Variants in PPP2R5B observed in about 807,000 individuals in gnomAD.
PPP2R5B encodes protein phosphatase 2 regulatory subunit B'beta, also known as serine/threonine-protein phosphatase 2A 56 kDa regulatory subunit beta isoform.
In PPP2R5B, 19 loss-of-function variants were observed where a neutral mutation model predicts 59.9. That is an observed-to-expected ratio of 0.32 (90% confidence interval 0.22 to 0.47). The LOEUF (loss-of-function observed/expected upper bound fraction) is 0.47. PPP2R5B is among the 20% of genes least tolerant of loss of function. The pLI, the probability that PPP2R5B is intolerant of heterozygous loss-of-function variation, is 1.00. For synonymous variants in PPP2R5B, 286 were observed against 260.5 expected (o/e 1.10, Z -0.94); for missense variants, 441 against 640.2 (o/e 0.69, Z 3.36).
chr11:64,928,227 G>C, intron 5 of PPP2R5B, 68 bp from the exon 6 acceptor site: 2 of 1,613,254 alleles, frequency 1.2e-6, no homozygotes, highest in South Asian at 1.1e-5. Flanking sequence ...GCCAGGGATA[G>C]GATGGAAGCA....
rs1441687828 is a variant in PPP2R5B at position 64,933,948 on chromosome 11, C to T, written c.*104C>T. On this transcript the variant is annotated 3_prime_UTR_variant, in exon 14 of 14. Transcript: ENST00000164133. Reference sequence around the variant, plus strand: ...GAAACACACCTACCCCTGGCCTTGCCAGAGTGGCTTCTGAGGACTCCCTGC... The same window carrying T: ...GAAACACACCTACCCCTGGCCTTGCTAGAGTGGCTTCTGAGGACTCCCTGC... The T allele has an allele frequency of 7.4e-7, 1 of 1,345,136 alleles. No homozygotes were observed. 83.3% of individuals were successfully genotyped at this position (1,345,136 alleles called of 1,614,324 possible). A position where few individuals can be genotyped will look rare whatever the true frequency, so the allele number is the denominator to read the frequency against.
Position 64,925,887 on chromosome 11 carries a change from C to T in PPP2R5B, c.153C>T (p.Arg51=). The T allele has an allele frequency of 6.2e-7, 1 of 1,612,144 alleles. No homozygotes were observed. The highest frequency in any genetic ancestry group is 8.5e-7 in the Non-Finnish European group (1 of 1,179,910). The part of the protein sequence containing the change: ...PRRSHSSSQF[R]YQSNQQELTP... ...GCTCCCACAGCTCCTCTCAGTTCCGCTATCAGAGCAACCAGCAAGAGCTCA... is the reference window on the plus strand; with the variant it reads ...GCTCCCACAGCTCCTCTCAGTTCCGTTATCAGAGCAACCAGCAAGAGCTCA... Residue 51 remains arginine, a synonymous_variant, in exon 2 of 14, where the codon CGC becomes CGT. Transcript: ENST00000164133. This position sits in a 1 kb window ranked among gnomAD's most constrained non-coding sequence, Gnocchi z 4.6.
Position 64,925,752 on chromosome 11 carries a change from C to T in PPP2R5B, c.18C>T (p.Pro6=), listed in dbSNP as rs1387209918. ...TGACCGCCATGGAGACGAAGCTGCC[C>T]CCTGCAAGCACCCCCACTAGCCCCT... METKL[P]PASTPTSPSS... The change falls in exon 2 of 14, where the codon CCC becomes CCT. Residue 6 remains proline, a synonymous_variant. Transcript: ENST00000164133. This position sits in a 1 kb window ranked among gnomAD's most constrained non-coding sequence, Gnocchi z 4.6. 1 of 1,593,760 alleles carries T rather than the reference C, an allele frequency of 6.3e-7. No homozygotes were observed. The highest frequency in any genetic ancestry group is 1.1e-5 in the South Asian group (1 of 89,430).
chr11:64,929,142 G>A (rs1013368638), intron 6 of PPP2R5B, among the ~76,000 whole-genome samples: 23 of 152,190 alleles, frequency 1.5e-4, no homozygotes, highest in African/African-American at 5.5e-4. Flanking sequence ...TTTTACAGAT[G>A]AGAAAGTAGA....
intron 6 of PPP2R5B, among the ~76,000 whole-genome samples, chr11:64,929,841 C>G (rs1945209129): frequency 6.6e-6 from 1 of 152,180 alleles, no homozygotes; most frequent in Non-Finnish European, 1.5e-5. Flanking sequence ...GGCCGGGACT[C>G]TGAAACATTA....
At chr11:64,927,597 G>C in intron 3 of PPP2R5B, 1 of 571,292 alleles carries the variant, frequency 1.8e-6, no homozygotes, top group African/African-American at 1.9e-5. Context: ...CAGCTACTCA[G>C]AAGGCTGAGG....
At chr11:64,933,528 T>C (rs2136692048) in intron 13 of PPP2R5B, among the ~76,000 whole-genome samples, 169 bp from the exon 14 acceptor site, 1 of 152,358 alleles carries the variant, frequency 6.6e-6, no homozygotes, top group Middle Eastern at 3.4e-3. Flanking sequence ...GGGATCTGTC[T>C]GTCCTCTGCT....
Position 64,925,719 on chromosome 11 carries a change from C to T in PPP2R5B, c.-16C>T. ...ACCCCCGGGGCTCTGAAAGCTTGCC[C>T]TGCCGCCTGACCGCCATGGAGACGA... On this transcript the variant is annotated 5_prime_UTR_variant, in exon 2 of 14. Coordinates refer to ENST00000164133, the MANE Select transcript of PPP2R5B (RefSeq NM_006244.4). This position sits in a 1 kb window ranked among gnomAD's most constrained non-coding sequence, Gnocchi z 4.6. 6.4e-7 allele frequency: 1 copy of T among 1,567,714 alleles called. No homozygotes were observed. Among genetic ancestry groups the T allele is most frequent in the South Asian group, 1.1e-5 (1 of 87,908 alleles).
At chr11:64,920,877 C>A (rs1198381596), upstream of PPP2R5B, among the ~76,000 whole-genome samples, 1 of 151,346 alleles carries the variant, frequency 6.6e-6, no homozygotes, top group Non-Finnish European at 1.5e-5. Context: ...ATCTGCCCGC[C>A]TCGGCCTCCC....
Position 64,931,764 on chromosome 11 carries a change from G to A in PPP2R5B, c.1012G>A (p.Glu338Lys), listed in dbSNP as rs1214107284. ...ACCCACCCAGGTGATGTTTCTGGGGGAGATGGAAGAGATTCTTGATGTCAT... is the reference window on the plus strand; with the variant it reads ...ACCCACCCAGGTGATGTTTCTGGGGAAGATGGAAGAGATTCTTGATGTCAT... ...CTQKEVMFLG[E>K]MEEILDVIEP... is the part of the protein sequence containing the mutation. Residue 338 changes from glutamate to lysine, a missense_variant, in exon 11 of 14, where the codon GAG becomes AAG. By Grantham distance (56) the Glu-to-Lys change is moderately conservative. This residue lies in a region of PPP2R5B where 268 missense variants were observed against 488.1 expected (regional missense o/e 0.55). Coordinates refer to ENST00000164133, the MANE Select transcript of PPP2R5B (RefSeq NM_006244.4). This position sits in a 1 kb window ranked among gnomAD's most constrained non-coding sequence, Gnocchi z 5.0. The A allele has an allele frequency of 1.9e-6, 3 of 1,614,106 alleles. No individual in the cohort carries two copies. Among genetic ancestry groups the A allele is most frequent in the Admixed American group, 1.7e-5 (1 of 60,010 alleles).
At chr11:64,922,478 ACT>A (rs1270357910), upstream of PPP2R5B, among the ~76,000 whole-genome samples, 1 of 151,408 alleles carries the variant, frequency 6.6e-6, no homozygotes, top group Non-Finnish European at 1.5e-5. Context: ...ACAGAGTGAG[ACT>A]CTGTCTCAAA....
At chr11:64,922,169 G>T, upstream of PPP2R5B, among the ~76,000 whole-genome samples, 1 of 150,074 alleles carries the variant, frequency 6.7e-6, no homozygotes. Flanking sequence ...CCAGGATCGC[G>T]CCACTGCAAA....
chr11:64,931,534 G>A lies in PPP2R5B; in HGVS notation c.946-25G>A, dbSNP rs750567051. On this transcript the variant is annotated intron_variant, in intron 9 of 13. Coordinates refer to ENST00000164133, the MANE Select transcript of PPP2R5B (RefSeq NM_006244.4). The surrounding 1 kb of genome is among the most constrained non-coding windows in gnomAD (Gnocchi z 5.0). ...AAGGCAGCCTCTCACCTCTGCAGGC[G>A]TGACTCCTGTCTCATCTCCCACAGG... 46 of 1,614,062 alleles carry A rather than the reference G, an allele frequency of 2.8e-5. No individual in the cohort carries two copies. In the Admixed American group the frequency reaches 3.5e-4, roughly 12 times the overall value.
At chr11:64,918,650 T>C (rs1945073238) in intron 1 of PPP2R5B, among the ~76,000 whole-genome samples, 1 of 151,970 alleles carries the variant, frequency 6.6e-6, no homozygotes, top group South Asian at 2.1e-4. Flanking sequence ...ATTTTATTTA[T>C]TTTTTTTGAG....
chr11:64,928,816 G>A (rs1210217308), intron 6 of PPP2R5B, among the ~76,000 whole-genome samples: 4 of 152,162 alleles, frequency 2.6e-5, no homozygotes, highest in Non-Finnish European at 4.4e-5. Context: ...CCCGGGAAGC[G>A]GAGCTTGCAG....
Position 64,925,811 on chromosome 11 carries a change from A to G in PPP2R5B, c.77A>G (p.Asp26Gly). 6.4e-7 allele frequency: 1 copy of G among 1,559,676 alleles called. No homozygotes were observed. Among genetic ancestry groups the G allele is most frequent in the Non-Finnish European group, 8.7e-7 (1 of 1,149,290 alleles). Residue 26 changes from aspartate (D) to glycine (G), a missense_variant, in exon 2 of 14, where the codon GAC becomes GGC. Asp to Gly is a moderately conservative substitution (Grantham distance 94). This residue lies in a region of PPP2R5B where 103 missense variants were observed against 87.9 expected (regional missense o/e 1.17). Transcript: ENST00000164133. This position sits in a 1 kb window ranked among gnomAD's most constrained non-coding sequence, Gnocchi z 4.6. ...GGGCTGTCGCCTGTGCCCCCACCCG[A>G]CAAGGTGGACGGCTTCTCCCGCCGT... ...SPGLSPVPPPDKVDGFSRRSL... is the reference protein window; with the variant it reads ...SPGLSPVPPPGKVDGFSRRSL...
rs929284576 is a variant in PPP2R5B, at chr11:64,933,903, C to T, written c.*59C>T. On this transcript the variant is annotated 3_prime_UTR_variant, in exon 14 of 14. Coordinates refer to ENST00000164133, the MANE Select transcript of PPP2R5B (RefSeq NM_006244.4). ...AGCTGTCAGTCCCTCTATCCCTTCT[C>T]CTGTCCAGGGGCCCAGAGAGAAACA... 20 of 1,440,606 alleles carry T rather than the reference C, an allele frequency of 1.4e-5. No individual in the cohort carries two copies. The East Asian group carries it at 3.8e-4, about 28-fold the overall frequency. The allele number at this position is 1,440,606 out of a possible 1,614,324, so 89.2% of individuals were successfully genotyped here.
rs781732494 is a variant in PPP2R5B at position 64,928,100 on chromosome 11, G to A, written c.533G>A (p.Ser178Asn). ...VYEFFLRFLE[S>N]PDFQPSVAKR... ...GAGTTTTTCCTGCGTTTCTTGGAGAGCCCAGACTTCCAGCCCTCCGTGGCC... is the reference window on the plus strand; with the variant it reads ...GAGTTTTTCCTGCGTTTCTTGGAGAACCCAGACTTCCAGCCCTCCGTGGCC... The change falls in exon 5 of 14, where the codon AGC (serine) becomes AAC (asparagine). Residue 178 changes from serine (S) to asparagine (N), a missense_variant. Transcript: ENST00000164133. The A allele has an allele frequency of 1.2e-6, 2 of 1,614,218 alleles. No individual in the cohort carries two copies. Among genetic ancestry groups the A allele is most frequent in the Non-Finnish European group, 1.7e-6 (2 of 1,180,040 alleles).
At chr11:64,929,645 G>A (rs1273382656) in intron 6 of PPP2R5B, among the ~76,000 whole-genome samples, 1 of 152,238 alleles carries the variant, frequency 6.6e-6, no homozygotes, top group African/African-American at 2.4e-5. Flanking sequence ...AGAATCGCTT[G>A]AGCCTGGGAG....
Sources: allele counts gnomAD v4.1 joint callset (sites outside exome capture counted in the v4.1 genomes callset), GRCh38; gene constraint gnomAD v4.1.1; regional missense constraint gnomAD v4.1.1; non-coding constraint Gnocchi (gnomAD v3.1); transcripts MANE v1.5; gene names NCBI Gene and HGNC (gene_info 2026-07-23, HGNC 2026-07-21).